Variants in TMTC1 observed in about 807,000 individuals in gnomAD.
TMTC1 encodes transmembrane O-mannosyltransferase targeting cadherins 1, also known as protein O-mannosyl-transferase TMTC1.
TMTC1 carries 73 observed loss-of-function variants against 104.8 expected under a neutral mutation model. The observed-to-expected ratio is 0.70, with a 90% CI of 0.58 to 0.85. The LOEUF (loss-of-function observed/expected upper bound fraction) is 0.85. TMTC1 is among the 40% of genes least tolerant of loss of function. TMTC1 has a pLI of 0.00. For missense variants in TMTC1, 1,035 were observed against 1,096.1 expected (o/e 0.94, Z 0.79); for synonymous variants, 434 against 428.7 (o/e 1.01, Z -0.15).
At chr12:29,721,130 A>G (rs1942226704) in intron 5 of TMTC1, among the ~76,000 whole-genome samples, 1 of 152,212 alleles carries the variant, frequency 6.6e-6, no homozygotes, top group South Asian at 2.1e-4. Flanking sequence ...CACCTACTTC[A>G]GGAAATTTTG....
chr12:29,781,773 G>T (rs1252061413), intron 1 of TMTC1, among the ~76,000 whole-genome samples: 1 of 152,222 alleles, frequency 6.6e-6, no homozygotes, highest in Non-Finnish European at 1.5e-5. Context: ...TCAGGCTACA[G>T]TGAGCAATAA....
At chr12:29,616,669 C>CAAAAAAAAAAAA (rs71045821) in intron 6 of TMTC1, among the ~76,000 whole-genome samples, 1 of 79,816 alleles carries the variant, frequency 1.3e-5, no homozygotes, top group African/African-American at 4.9e-5. Context: ...AACTTGGTCT[C>CAAAAAAAAAAAA]AAAAAAAAAA....
chr12:29,562,926 A>G lies in TMTC1; in HGVS notation c.1533-5926T>C, dbSNP rs549200137. Among the ~76,000 whole-genome samples, 3 of 152,152 alleles carry G rather than the reference A, an allele frequency of 2.0e-5. No homozygotes were observed. The South Asian group carries it at 6.2e-4, about 32-fold the overall frequency. On this transcript the variant is annotated intron_variant, in intron 9 of 17. Coordinates refer to ENST00000539277, the MANE Select transcript of TMTC1 (RefSeq NM_001193451.2). ...CAGCCAGTTCTCCTTCCTCACATGG[A>G]TTTTTCATCCTCTGAAAAATCACAC...
At chr12:29,597,145 G>C (rs1946425802) in intron 7 of TMTC1, among the ~76,000 whole-genome samples, 1 of 151,978 alleles carries the variant, frequency 6.6e-6, no homozygotes, top group Non-Finnish European at 1.5e-5. Context: ...TCAGTGTCCA[G>C]GGCCTCATTT....
At chr12:29,542,916 A>C (rs1944841081) in intron 10 of TMTC1, among the ~76,000 whole-genome samples, 1 of 152,082 alleles carries the variant, frequency 6.6e-6, no homozygotes. Flanking sequence ...AATATCCTTG[A>C]TTGCATATCC....
chr12:29,549,001 A>T (rs1945024361), intron 10 of TMTC1, among the ~76,000 whole-genome samples: 1 of 144,950 alleles, frequency 6.9e-6, no homozygotes, highest in Admixed American at 7.0e-5. Flanking sequence ...AAATATATAA[A>T]TTATATATTA....
intron 6 of TMTC1, among the ~76,000 whole-genome samples, chr12:29,623,243 T>C (rs537198976): frequency 1.5e-3 from 231 of 152,358 alleles, no homozygotes; most frequent in Middle Eastern, 3.4e-3. Context: ...GCTGTGGGGA[T>C]TGGTTTTGAC....
At chr12:29,514,200 C>T (rs1202559201) in intron 16 of TMTC1, among the ~76,000 whole-genome samples, 1 of 152,118 alleles carries the variant, frequency 6.6e-6, no homozygotes, top group Non-Finnish European at 1.5e-5. Flanking sequence ...GAGACACAGA[C>T]AGAGAGAAGC....
At chr12:29,732,746 C>G (rs1942577489) in intron 5 of TMTC1, among the ~76,000 whole-genome samples, 1 of 152,114 alleles carries the variant, frequency 6.6e-6, no homozygotes, top group Non-Finnish European at 1.5e-5. Flanking sequence ...TTAAAGGGCT[C>G]TTGGTGCAGA....
chr12:29,711,257 A>T (rs1022952263), intron 5 of TMTC1, among the ~76,000 whole-genome samples: 6 of 152,060 alleles, frequency 3.9e-5, no homozygotes, highest in Admixed American at 2.0e-4. Context: ...GGGATTATCC[A>T]CTTGAGCCAC....
At chr12:29,681,401 C>T (rs1940914344) in intron 5 of TMTC1, among the ~76,000 whole-genome samples, 1 of 152,132 alleles carries the variant, frequency 6.6e-6, no homozygotes, top group Non-Finnish European at 1.5e-5. Flanking sequence ...TTCAGTTTTT[C>T]AACCAATACT....
chr12:29,751,513 T>C (rs1435222786), intron 5 of TMTC1, among the ~76,000 whole-genome samples, 153 bp downstream of exon 5: 2 of 151,714 alleles, frequency 1.3e-5, no homozygotes, highest in South Asian at 2.1e-4. Flanking sequence ...GGGAGGGAAA[T>C]AGGGACAGGA....
chr12:29,727,853 C>A (rs1039052486), intron 5 of TMTC1, among the ~76,000 whole-genome samples: 1 of 152,048 alleles, frequency 6.6e-6, no homozygotes, highest in Non-Finnish European at 1.5e-5. Context: ...TGCACTGCCA[C>A]AATCATAGCT....
intron 11 of TMTC1, chr12:29,520,964 C>T (rs1039132409): frequency 4.6e-6 from 2 of 430,328 alleles, no homozygotes; most frequent in African/African-American, 4.0e-5. Context: ...GATGTTTTCT[C>T]AAATGGGACC....
intron 3 of TMTC1, among the ~76,000 whole-genome samples, chr12:29,756,247 C>T (rs1284901692): frequency 6.6e-6 from 1 of 152,210 alleles, no homozygotes; most frequent in Non-Finnish European, 1.5e-5. Context: ...TCCCTGCTAA[C>T]CACAGCCGTC....
chr12:29,527,452 C>A (rs956540899), intron 11 of TMTC1, among the ~76,000 whole-genome samples: 26 of 152,172 alleles, frequency 1.7e-4, no homozygotes, highest in African/African-American at 6.3e-4. Context: ...TGGGGGGCAG[C>A]CAAGAGTGGC....
At chr12:29,764,754 T>G in intron 2 of TMTC1, among the ~76,000 whole-genome samples, 1 of 152,178 alleles carries the variant, frequency 6.6e-6, no homozygotes, top group South Asian at 2.1e-4. Context: ...ACTACCCAGC[T>G]CTAAGACTCC....
At chr12:29,576,199 C>G (rs992426960) in intron 8 of TMTC1, among the ~76,000 whole-genome samples, 1 of 152,192 alleles carries the variant, frequency 6.6e-6, no homozygotes, top group Non-Finnish European at 1.5e-5. Flanking sequence ...AATCCACAGG[C>G]TGTCTTTTCA....
At chr12:29,590,622 T>C (rs944826560) in intron 7 of TMTC1, among the ~76,000 whole-genome samples, 1 of 152,034 alleles carries the variant, frequency 6.6e-6, no homozygotes, top group Non-Finnish European at 1.5e-5. Flanking sequence ...CTGTCTCTAC[T>C]AAAAATACCA....
Sources: gnomAD v4.1 joint callset for allele counts (sites outside exome capture counted in the v4.1 genomes callset) on GRCh38, gnomAD v4.1.1 for gene constraint, MANE v1.5 for transcripts, NCBI Gene and HGNC (gene_info 2026-07-23, HGNC 2026-07-21) for gene names.